Variants in TCF7L2 observed in about 807,000 individuals in gnomAD.
The protein encoded by TCF7L2 is transcription factor 7-like 2.
TCF7L2 carries 23 observed loss-of-function variants against 77.9 expected under a neutral mutation model. That is an observed-to-expected ratio of 0.30 (90% CI 0.21 to 0.42). The LOEUF is 0.42. Ranked by LOEUF, TCF7L2 falls within the 10% of genes least tolerant of loss-of-function variation. TCF7L2 has a pLI of 1.00. For missense variants in TCF7L2, 654 were observed against 793.1 expected (o/e 0.82, Z 2.11); for synonymous variants, 413 against 340.2 (o/e 1.21, Z -2.36).
chr10:113,001,688 T>C (rs1185862936), intron 4 of TCF7L2, among the ~76,000 whole-genome samples: 1 of 152,084 alleles, frequency 6.6e-6, no homozygotes, highest in Non-Finnish European at 1.5e-5. Flanking sequence ...CCCTAACACA[T>C]ACACAGCAAA....
At chr10:113,036,852 G>A (rs568034462) in intron 4 of TCF7L2, among the ~76,000 whole-genome samples, 7 of 152,184 alleles carry the variant, frequency 4.6e-5, no homozygotes, top group African/African-American at 1.7e-4. Context: ...GGAGCCCACT[G>A]TTGTTTTTGT....
chr10:113,007,909 A>G lies in TCF7L2; in HGVS notation c.451-32116A>G, dbSNP rs149486004. 1.2e-4 allele frequency among the ~76,000 whole-genome samples: 18 copies of G among 152,136 alleles called. 1 individual carries two copies. The East Asian group carries it at 3.5e-3, about 30-fold the overall frequency. ...GTCTCTGTGCCCCTGACTGTTCCTG[A>G]TTTAGCGAGGTGTTTCTGAATTCTG... On this transcript the variant is annotated intron_variant, in intron 4 of 13. Coordinates refer to ENST00000627217, the MANE Select transcript of TCF7L2 (RefSeq NM_001146274.2).
rs943972398 is a variant in TCF7L2 at position 113,028,452 on chromosome 10, T to G, written c.451-11573T>G. 2.6e-5 allele frequency among the ~76,000 whole-genome samples: 4 copies of G among 152,012 alleles called. 1 individual carries two copies. Among genetic ancestry groups the G allele is most frequent in the African/African-American group, 9.7e-5 (4 of 41,372 alleles). On this transcript the variant is annotated intron_variant, in intron 4 of 13. Coordinates refer to ENST00000627217, the MANE Select transcript of TCF7L2 (RefSeq NM_001146274.2). ...TTCCTGGGTGTAGCGTTACGAAGCA[T>G]CTCCACATGTTTGTCACAGCTAGAA...
chr10:113,003,515 CT>C (rs934586541), intron 4 of TCF7L2, among the ~76,000 whole-genome samples: 5 of 152,170 alleles, frequency 3.3e-5, no homozygotes, highest in African/African-American at 1.2e-4. Flanking sequence ...TCCCTGCCCT[CT>C]CTTATCCTGT....
chr10:112,969,671 A>G (rs1466029033), intron 4 of TCF7L2, among the ~76,000 whole-genome samples: 1 of 152,142 alleles, frequency 6.6e-6, no homozygotes, highest in Non-Finnish European at 1.5e-5. Flanking sequence ...GTGTGATCAG[A>G]GGCCAATTGC....
chr10:112,971,699 G>A (rs573165575), intron 4 of TCF7L2, among the ~76,000 whole-genome samples: 4 of 150,352 alleles, frequency 2.7e-5, no homozygotes, highest in South Asian at 4.3e-4. Flanking sequence ...TGCAACCTCC[G>A]CTTCCCGGGT....
At chr10:112,995,098 T>C (rs113562445) in intron 4 of TCF7L2, among the ~76,000 whole-genome samples, 319 of 152,182 alleles carry the variant, frequency 2.1e-3, no homozygotes, top group Middle Eastern at 6.8e-3. Flanking sequence ...CGAAACTGTG[T>C]CTCAAAACAA....
At chr10:112,994,206 C>T (rs1440012453) in intron 4 of TCF7L2, among the ~76,000 whole-genome samples, 1 of 152,120 alleles carries the variant, frequency 6.6e-6, no homozygotes, top group Admixed American at 6.5e-5. Flanking sequence ...TTTCCTCACC[C>T]CCGAGGAGAA....
intron 5 of TCF7L2, among the ~76,000 whole-genome samples, chr10:113,096,160 G>C (rs1387560679): frequency 6.6e-6 from 1 of 152,192 alleles, no homozygotes; most frequent in African/African-American, 2.4e-5. Context: ...AGCACTTAGG[G>C]AGAGGGGTAG....
chr10:113,162,235 C>G, intron 13 of TCF7L2, among the ~76,000 whole-genome samples: 1 of 152,176 alleles, frequency 6.6e-6, no homozygotes, highest in Admixed American at 6.5e-5. Context: ...TTCTCATGAT[C>G]TGTAGAAATG....
intron 5 of TCF7L2, among the ~76,000 whole-genome samples, chr10:113,098,844 C>T (rs1449574955): frequency 6.6e-6 from 1 of 152,186 alleles, no homozygotes; most frequent in African/African-American, 2.4e-5. Flanking sequence ...AGCTCCATCG[C>T]CCTGTACATG....
chr10:113,068,232 A>G (rs150194366), intron 5 of TCF7L2, among the ~76,000 whole-genome samples: 1 of 152,368 alleles, frequency 6.6e-6, no homozygotes, highest in East Asian at 1.9e-4. Flanking sequence ...TATTTTGAAT[A>G]AAGTGCTATG....
chr10:113,027,026 A>G (rs2049307679), intron 4 of TCF7L2, among the ~76,000 whole-genome samples: 1 of 152,226 alleles, frequency 6.6e-6, no homozygotes, highest in Non-Finnish European at 1.5e-5. Context: ...AGAGAGGCAT[A>G]GTGGCTGGGT....
At position 112,950,284 on chromosome 10, in the gene TCF7L2, G is replaced by C. The variant is rs575353517; in HGVS notation, c.-473G>C. 1 of 223,186 alleles carries C rather than the reference G, an allele frequency of 4.5e-6. No individual in the cohort carries two copies. The highest frequency in any genetic ancestry group is 8.9e-6 in the Non-Finnish European group (1 of 112,322). The allele number at this position is 223,186 out of a possible 1,614,324, so 13.8% of individuals were successfully genotyped here. A position where few individuals can be genotyped will look rare whatever the true frequency, so the allele number is the denominator to read the frequency against. On this transcript the variant is annotated 5_prime_UTR_variant, in exon 1 of 14. Coordinates refer to ENST00000627217, the MANE Select transcript of TCF7L2 (RefSeq NM_001146274.2). Reference sequence around the variant, plus strand: ...CGCTCCCAGACTACTCCGTTCCTCCGGATTTCGATCCCCCTTTTTCTATCT... The same window carrying C: ...CGCTCCCAGACTACTCCGTTCCTCCCGATTTCGATCCCCCTTTTTCTATCT...
intron 5 of TCF7L2, among the ~76,000 whole-genome samples, chr10:113,108,267 C>T (rs962323370): frequency 2.0e-5 from 3 of 152,136 alleles, no homozygotes; most frequent in African/African-American, 7.2e-5. Context: ...ATGACAGAGC[C>T]CCCAGCCTCT....
intron 5 of TCF7L2, among the ~76,000 whole-genome samples, chr10:113,127,563 G>GTTGTT (rs148158547): frequency 5.2e-4 from 79 of 151,766 alleles, no homozygotes; most frequent in African/African-American, 1.8e-3. Flanking sequence ...TTTTGTTGTT[G>GTTGTT]TTGTTTTGTT....
At chr10:113,087,273 G>T (rs746473232) in intron 5 of TCF7L2, among the ~76,000 whole-genome samples, 15 of 152,220 alleles carry the variant, frequency 9.9e-5, no homozygotes, top group Admixed American at 5.2e-4. Flanking sequence ...AGGAGACCAT[G>T]TGGTCTGTGG....
At chr10:112,987,101 A>G (rs994923659) in intron 4 of TCF7L2, among the ~76,000 whole-genome samples, 3 of 152,188 alleles carry the variant, frequency 2.0e-5, no homozygotes, top group Non-Finnish European at 4.4e-5. Context: ...TTTTGTTTCT[A>G]TTTTAAAAAT....
intron 4 of TCF7L2, among the ~76,000 whole-genome samples, chr10:113,011,100 C>A (rs1196514157): frequency 6.6e-6 from 1 of 152,166 alleles, no homozygotes; most frequent in Non-Finnish European, 1.5e-5. Context: ...TTGAAGAAAC[C>A]CTGCTTTAGT....
Sources: allele counts gnomAD v4.1 joint callset (sites outside exome capture counted in the v4.1 genomes callset), GRCh38; gene constraint gnomAD v4.1.1; transcripts MANE v1.5; gene names NCBI Gene and HGNC (gene_info 2026-07-23, HGNC 2026-07-21).